NUP153: variants seen among roughly 807,000 people sequenced by gnomAD.
NUP153 encodes nucleoporin 153.
In NUP153, 27 loss-of-function variants were observed where a neutral mutation model predicts 134.6. The ratio of observed to expected loss-of-function variants is 0.20; its 90% CI spans 0.15 to 0.28. The LOEUF (loss-of-function observed/expected upper bound fraction) is 0.28, where lower values mean the gene tolerates loss of function less well. Among genes scored for constraint, NUP153 ranks in the 10% least tolerant of loss-of-function variants. NUP153 has a pLI of 1.00. For synonymous variants in NUP153, 640 were observed against 623.5 expected (o/e 1.03, Z -0.40); for missense variants, 1,821 against 1,731.3 (o/e 1.05, Z -0.92).
chr6:17,655,233 G>A (rs1226238701), intron 11 of NUP153, among the ~76,000 whole-genome samples: 1 of 152,136 alleles, frequency 6.6e-6, no homozygotes, highest in Non-Finnish European at 1.5e-5. Context: ...CCAGGATAAG[G>A]TGAAAGGTAA....
At chr6:17,662,687 TCA>T (rs1055590681) in intron 9 of NUP153, among the ~76,000 whole-genome samples, 4 of 152,184 alleles carry the variant, frequency 2.6e-5, no homozygotes, top group African/African-American at 9.7e-5. Context: ...TAGAGAATCC[TCA>T]CAGACACCAC....
chr6:17,698,870 TA>T (rs961294100), intron 1 of NUP153, among the ~76,000 whole-genome samples: 357 of 139,814 alleles, frequency 2.6e-3, no homozygotes, highest in Admixed American at 3.1e-3. Flanking sequence ...GACACTGTCT[TA>T]AAAAAAAAAA....
chr6:17,657,340 C>T (rs1195959571), intron 11 of NUP153, among the ~76,000 whole-genome samples: 1 of 150,042 alleles, frequency 6.7e-6, no homozygotes, highest in African/African-American at 2.5e-5. Context: ...GCCAGGAGTT[C>T]GAGACCAGCC....
chr6:17,673,486 TAAGAA>T (rs1302124397), intron 5 of NUP153, among the ~76,000 whole-genome samples: 1 of 152,116 alleles, frequency 6.6e-6, no homozygotes, highest in African/African-American at 2.4e-5. Context: ...AATTTATTAA[TAAGAA>T]AATAACCCAA....
chr6:17,692,402 T>C (rs1769335458), intron 1 of NUP153, among the ~76,000 whole-genome samples: 1 of 152,138 alleles, frequency 6.6e-6, no homozygotes, highest in Non-Finnish European at 1.5e-5. Flanking sequence ...TAGTCTTAGC[T>C]ACTTGGGAGG....
rs756570524 is a variant in NUP153, at chr6:17,661,741, T to C, written c.1307A>G (p.Asn436Ser). Residue 436 changes from asparagine (N) to serine (S), a missense_variant, in exon 11 of 22, where the codon AAT becomes AGT. By Grantham distance (46) the Asn-to-Ser change is conservative (BLOSUM62 1). Coordinates refer to ENST00000262077, the MANE Select transcript of NUP153 (RefSeq NM_005124.4). ...ACCACCTACTCCAGAAGATAAACCA[T>C]TGGCTGCAGGCAAACTGAAATTTGG... Reference protein sequence around the residue: ...SYPNFSLPAANGLSSGVGGGG... With the variant: ...SYPNFSLPAASGLSSGVGGGG... 2.5e-5 allele frequency: 40 copies of C among 1,613,538 alleles called. No individual in the cohort carries two copies. The highest frequency in any genetic ancestry group is 5.3e-5 in the African/African-American group (4 of 74,980).
intron 17 of NUP153, among the ~76,000 whole-genome samples, chr6:17,629,868 T>C (rs988260081): frequency 2.6e-5 from 4 of 152,150 alleles, no homozygotes; most frequent in Admixed American, 6.5e-5. Flanking sequence ...ACAAAACTCA[T>C]AGAGAGCAAT....
intron 14 of NUP153, among the ~76,000 whole-genome samples, chr6:17,645,190 C>T (rs1766084527): frequency 6.6e-6 from 1 of 150,996 alleles, no homozygotes. Context: ...TTGCAGTGAG[C>T]CAAGACCGTG....
At chr6:17,678,236 A>G (rs1165361610) in intron 2 of NUP153, among the ~76,000 whole-genome samples, 3 of 151,496 alleles carry the variant, frequency 2.0e-5, no homozygotes, top group Non-Finnish European at 2.9e-5. Flanking sequence ...CACGCCTGTA[A>G]TTCCAGCTAC....
chr6:17,628,131 T>A lies in NUP153; in HGVS notation c.3544+524A>T, dbSNP rs1765034844. ...TGACTTTAATAGGATCCACCAACAA[T>A]CATGCTTTTAACCTTTAAGGTGCTA... On this transcript the variant is annotated intron_variant, in intron 18 of 21. Transcript: ENST00000262077. This position sits in a 1 kb window ranked among gnomAD's most constrained non-coding sequence, Gnocchi z 5.4. 2.0e-5 allele frequency among the ~76,000 whole-genome samples: 3 copies of A among 152,322 alleles called. No individual in the cohort carries two copies. The highest frequency in any genetic ancestry group is 3.9e-4 in the East Asian group (2 of 5,186).
At chr6:17,647,944 CT>C in intron 12 of NUP153, 39 bp from the exon 13 acceptor site, 1 of 1,298,630 alleles carries the variant, frequency 7.7e-7, no homozygotes, top group Non-Finnish European at 1.1e-6. Flanking sequence ...ACAAAAAGAG[CT>C]TTTTAGAAAA....
chr6:17,632,871 TG>T lies in NUP153; in HGVS notation c.2465-28del, dbSNP rs767879812. ...TAAAAAAAAAAAAAAAAACGGGGAG[TG>T]GGGGGAGATTTCATGAAAATTTTAA... On this transcript the variant is annotated intron_variant, in intron 16 of 21. Transcript: ENST00000262077. The T allele has an allele frequency of 3.4e-5, 46 of 1,366,674 alleles. No individual in the cohort carries two copies. In the African/African-American group the frequency reaches 5.0e-4, roughly 15 times the overall value. The allele number at this position is 1,366,674 out of a possible 1,614,324, so 84.7% of individuals were successfully genotyped here.
chr6:17,693,701 C>T (rs767297033), intron 1 of NUP153, among the ~76,000 whole-genome samples: 8 of 151,150 alleles, frequency 5.3e-5, no homozygotes, highest in Non-Finnish European at 1.2e-4. Context: ...GCCTGGCCAA[C>T]GTGGTGAAAC....
chr6:17,635,243 G>A (rs1765488880), intron 16 of NUP153, among the ~76,000 whole-genome samples: 1 of 151,418 alleles, frequency 6.6e-6, no homozygotes, highest in Admixed American at 6.6e-5. Context: ...CCGAGTAGCT[G>A]GGACTACAGG....
chr6:17,624,318 T>G (rs1764805670), intron 20 of NUP153, among the ~76,000 whole-genome samples: 2 of 151,690 alleles, frequency 1.3e-5, no homozygotes. Context: ...AGTGAATGAA[T>G]CCCATACTTA....
chr6:17,690,367 G>A (rs764759815), intron 1 of NUP153, among the ~76,000 whole-genome samples: 11 of 150,020 alleles, frequency 7.3e-5, no homozygotes, highest in Non-Finnish European at 1.6e-4. Flanking sequence ...GCGACAGAGC[G>A]AGACTCCGTC....
intron 1 of NUP153, among the ~76,000 whole-genome samples, chr6:17,689,359 C>G (rs1168322600): frequency 6.6e-6 from 1 of 151,914 alleles, no homozygotes; most frequent in African/African-American, 2.4e-5. Flanking sequence ...GGCACTCTAG[C>G]CCGGGCAACA....
At chr6:17,617,353 A>C (rs980881390) in intron 20 of NUP153, among the ~76,000 whole-genome samples, 2 of 151,780 alleles carry the variant, frequency 1.3e-5, no homozygotes, top group African/African-American at 4.8e-5. Flanking sequence ...GGCTGACTAG[A>C]GTTGATACTA....
At chr6:17,620,596 C>T (rs1436067970) in intron 20 of NUP153, among the ~76,000 whole-genome samples, 3 of 152,178 alleles carry the variant, frequency 2.0e-5, no homozygotes, top group Non-Finnish European at 4.4e-5. Context: ...CTTGTCCAAC[C>T]GAGAGGCCAC....
Sources: gnomAD v4.1 joint callset for allele counts (sites outside exome capture counted in the v4.1 genomes callset) on GRCh38, gnomAD v4.1.1 for gene constraint, Gnocchi (gnomAD v3.1) non-coding constraint, MANE v1.5 for transcripts, NCBI Gene and HGNC (gene_info 2026-07-23, HGNC 2026-07-21) for gene names.